The following RYR1 variants were observed in gnomAD, a reference collection of about 807,000 sequenced individuals.
The protein encoded by RYR1 is central core disease of muscle.
Under a neutral mutation model 583.5 loss-of-function variants are expected in RYR1, and 342 were observed. The ratio of observed to expected loss-of-function variants is 0.59; its 90% CI spans 0.54 to 0.64. The LOEUF is 0.64. RYR1 is among the 30% of genes least tolerant of loss of function. RYR1 has a pLI of 0.00. For missense variants in RYR1, 6,032 were observed against 6,917.2 expected, an observed-to-expected ratio of 0.87 and a Z score of 4.54; for synonymous variants, 2,791 against 2,822.5, an observed-to-expected ratio of 0.99 and a Z score of 0.35.
chr19:38,526,931 G>T, intron 71 of RYR1, 62 bp from the exon 72 acceptor site: 2 of 1,573,300 alleles, frequency 1.3e-6, no homozygotes, highest in Non-Finnish European at 1.7e-6. Flanking sequence ...GAAGGAAAGG[G>T]TTGTGGGTCA....
chr19:38,535,523 A>G, intron 81 of RYR1, 131 bp downstream of exon 81: 1 of 767,466 alleles, frequency 1.3e-6, no homozygotes, highest in Non-Finnish European at 2.4e-6. Context: ...TCGCTCAAAT[A>G]ACAGGGAATT....
At position 38,526,505 on chromosome 19, in the gene RYR1, A is replaced by G. The variant is rs192874267; in HGVS notation, c.10627-488A>G. Reference sequence around the variant, plus strand: ...ACGCCAGAGAGCCCTCCAGGGCTCCATGGACCCCTCACCTTGGTCCTTGAG... The same window carrying G: ...ACGCCAGAGAGCCCTCCAGGGCTCCGTGGACCCCTCACCTTGGTCCTTGAG... On this transcript the variant is annotated intron_variant, in intron 71 of 105. Coordinates refer to ENST00000359596, the MANE Select transcript of RYR1 (RefSeq NM_000540.3). 2.3e-4 allele frequency among the ~76,000 whole-genome samples: 35 copies of G among 151,946 alleles called. No homozygotes were observed. The South Asian group carries it at 3.3e-3, about 14-fold the overall frequency.
Position 38,577,927 on chromosome 19 carries a change from A to G in RYR1, c.14182A>G (p.Lys4728Glu). 1 of 1,614,140 alleles carries G rather than the reference A, an allele frequency of 6.2e-7. No homozygotes were observed. The highest frequency in any genetic ancestry group is 8.5e-7 in the Non-Finnish European group (1 of 1,180,016). ...DKFVKRKVLD[K>E]HGDIYGRERI... ...ATGCTCTCTTGTGCAGGTCCTGGAC[A>G]AACATGGGGACATCTACGGGCGGGA... The change falls in exon 98 of 106, where the codon AAA (lysine) becomes GAA (glutamate). Residue 4728 changes from lysine to glutamate, a missense_variant. Transcript: ENST00000359596.
intron 64 of RYR1, among the ~76,000 whole-genome samples, chr19:38,515,456 C>G (rs1970923127): frequency 6.6e-6 from 1 of 152,186 alleles, no homozygotes. Context: ...ACTGATACAG[C>G]AAGAGCGAGG....
In RYR1 at chr19:38,458,307, C is replaced by T. The variant is rs1407334429; in HGVS notation, c.2167+15C>T. On this transcript the variant is annotated intron_variant, in intron 18 of 105. Coordinates refer to ENST00000359596, the MANE Select transcript of RYR1 (RefSeq NM_000540.3). ...TCTCTGGACAGGTACCTGACCCCTT[C>T]CAGGGGACCCTCACCCCTGACCATT... 3 of 1,611,852 alleles carry T rather than the reference C, an allele frequency of 1.9e-6. No homozygotes were observed. The Admixed American group carries it at 5.0e-5, about 27-fold the overall frequency.
At chr19:38,498,981 T>C in intron 42 of RYR1, 127 bp from the exon 43 acceptor site, 3 of 1,266,576 alleles carry the variant, frequency 2.4e-6, no homozygotes, top group Non-Finnish European at 3.3e-6. Context: ...CCAGGGCTAA[T>C]GGGCCGAGGG....
At chr19:38,517,914 T>G (rs752683592) in intron 66 of RYR1, among the ~76,000 whole-genome samples, 5 of 152,136 alleles carry the variant, frequency 3.3e-5, no homozygotes, top group Non-Finnish European at 5.9e-5. Context: ...GCGACCAGCC[T>G]AGGTAACATA....
chr19:38,550,337 T>G (rs948454021), intron 89 of RYR1, among the ~76,000 whole-genome samples: 1 of 152,142 alleles, frequency 6.6e-6, no homozygotes, highest in Non-Finnish European at 1.5e-5. Flanking sequence ...CTGACATGTT[T>G]GAAGAACGCA....
In RYR1 at chr19:38,580,384, G is replaced by T. The variant is rs1298913827; in HGVS notation, c.14526G>T (p.Val4842=). ...THNGKQLVMT[V]GLLAVVVYLY... The stretch of plus-strand genomic sequence containing the variant: ...CCTGCCCCCAGCTGGTGATGACCGT[G>T]GGCCTTCTGGCGGTGGTCGTCTACC... The change falls in exon 101 of 106, where the codon GTG becomes GTT. Residue 4842 remains valine (V), a synonymous_variant. Coordinates refer to ENST00000359596, the MANE Select transcript of RYR1 (RefSeq NM_000540.3). 6.2e-7 allele frequency: 1 copy of T among 1,614,092 alleles called. No individual in the cohort carries two copies. The highest frequency in any genetic ancestry group is 1.7e-5 in the Admixed American group (1 of 60,000).
At chr19:38,440,656 G>A in intron 1 of RYR1, 89 bp from the exon 2 acceptor site, 1 of 1,503,656 alleles carries the variant, frequency 6.7e-7, no homozygotes, top group Non-Finnish European at 9.1e-7. Context: ...TTTTCATAAG[G>A]ACCAGGGTGG....
At chr19:38,555,945 C>A (rs1972860343) in intron 89 of RYR1, among the ~76,000 whole-genome samples, 1 of 152,020 alleles carries the variant, frequency 6.6e-6, no homozygotes, top group Non-Finnish European at 1.5e-5. Flanking sequence ...CTCACTGTAA[C>A]CTCCACCTGT....
chr19:38,520,071 CTTT>C (rs571307849), intron 67 of RYR1, among the ~76,000 whole-genome samples: 4 of 112,226 alleles, frequency 3.6e-5, no homozygotes, highest in Non-Finnish European at 1.9e-5. Flanking sequence ...GAATAGTTTG[CTTT>C]TTTTTTTTTT....
chr19:38,494,038 T>C (rs902618401), intron 38 of RYR1, among the ~76,000 whole-genome samples: 3 of 152,154 alleles, frequency 2.0e-5, no homozygotes, highest in East Asian at 3.9e-4. Context: ...GCACAGTGGC[T>C]CACACCTATA....
Position 38,448,959 on chromosome 19 carries a change from G to A in RYR1, c.1122+146G>A, listed in dbSNP as rs552823208. On this transcript the variant is annotated intron_variant, in intron 11 of 105. Coordinates refer to ENST00000359596, the MANE Select transcript of RYR1 (RefSeq NM_000540.3). Reference sequence around the variant, plus strand: ...ATGGGGTGCAGGAGGGTACTGAGGGGTGGTGCTTGAGACCTTGGGAGTTTG... The same window carrying A: ...ATGGGGTGCAGGAGGGTACTGAGGGATGGTGCTTGAGACCTTGGGAGTTTG... The A allele has an allele frequency of 6.3e-5, 50 of 787,938 alleles. 1 individual carries two copies. In the South Asian group the frequency reaches 7.5e-4, roughly 12 times the overall value. 48.8% of individuals were successfully genotyped at this position (787,938 alleles called of 1,614,324 possible). A position where few individuals can be genotyped will look rare whatever the true frequency, so the allele number is the denominator to read the frequency against.
In RYR1 at chr19:38,473,520, T is replaced by A. The variant is rs752841665; in HGVS notation, c.3909T>A (p.Thr1303=). 32 of 1,612,786 alleles carry A rather than the reference T, an allele frequency of 2.0e-5. No homozygotes were observed. The South Asian group carries it at 3.5e-4, about 18-fold the overall frequency. ...AGTTCCACCAGCACTTCCGCTGCACTGCAGGGGCCACCCCGCTGGCACCTC... is the reference window on the plus strand; with the variant it reads ...AGTTCCACCAGCACTTCCGCTGCACAGCAGGGGCCACCCCGCTGGCACCTC... ...PVQFHQHFRC[T]AGATPLAPPG... is the part of the protein sequence containing the mutation. Residue 1303 remains threonine, a synonymous_variant, in exon 28 of 106, where the codon ACT becomes ACA. Transcript: ENST00000359596.
chr19:38,544,811 C>T (rs1253126645), intron 87 of RYR1, among the ~76,000 whole-genome samples: 3 of 152,174 alleles, frequency 2.0e-5, no homozygotes, highest in Admixed American at 6.5e-5. Context: ...TCCTGCAGGG[C>T]TAATTCATCC....
intron 16 of RYR1, 136 bp from the exon 17 acceptor site, chr19:38,457,361 C>A: frequency 1.6e-6 from 2 of 1,232,724 alleles, no homozygotes; most frequent in Non-Finnish European, 2.4e-6. Context: ...ACTTTCACCA[C>A]CTCCTCTCAG....
rs776758539 is a variant in RYR1 at position 38,507,846 on chromosome 19, C to T, written c.8932+19C>T. On this transcript the variant is annotated intron_variant, in intron 58 of 105. Coordinates refer to ENST00000359596, the MANE Select transcript of RYR1 (RefSeq NM_000540.3). ...CACCTGGGTACGGAGAAATACCCCC[C>T]GCTTATGCCCGCCCCACCTGCAGAC... is the stretch of plus-strand genomic sequence containing the variant. 19 of 1,476,780 alleles carry T rather than the reference C, an allele frequency of 1.3e-5. No individual in the cohort carries two copies. Among genetic ancestry groups the T allele is most frequent in the South Asian group, 6.9e-5 (6 of 87,504 alleles). The allele number at this position is 1,476,780 out of a possible 1,614,324, so 91.5% of individuals were successfully genotyped here.
chr19:38,517,375 C>T lies in RYR1; in HGVS notation c.9702C>T (p.Asn3234=). 3 of 1,613,850 alleles carry T rather than the reference C, an allele frequency of 1.9e-6. No homozygotes were observed. Among genetic ancestry groups the T allele is most frequent in the Admixed American group, 1.7e-5 (1 of 60,006 alleles). Residue 3234 remains asparagine, a synonymous_variant, in exon 66 of 106, where the codon AAC becomes AAT. Coordinates refer to ENST00000359596, the MANE Select transcript of RYR1 (RefSeq NM_000540.3). ...GTACCCCAGTCCTGGGGCTCCCCAACAGTGTGGAGGAGATGTGTCCCGACA... is the reference window on the plus strand; with the variant it reads ...GTACCCCAGTCCTGGGGCTCCCCAATAGTGTGGAGGAGATGTGTCCCGACA... The part of the protein sequence containing the change: ...PRERAILGLP[N]SVEEMCPDIP...
Sources: allele counts gnomAD v4.1 joint callset (sites outside exome capture counted in the v4.1 genomes callset), GRCh38; gene constraint gnomAD v4.1.1; transcripts MANE v1.5; gene names NCBI Gene and HGNC (gene_info 2026-07-23, HGNC 2026-07-21).